IBSP: variants seen among roughly 807,000 people sequenced by gnomAD.
The protein encoded by IBSP is integrin-binding sialoprotein.
A neutral mutation model predicts 25.5 loss-of-function variants in IBSP; 19 were observed. That is an observed-to-expected ratio of 0.74 (90% confidence interval 0.52 to 1.09). The LOEUF (loss-of-function observed/expected upper bound fraction) is 1.09, where lower values mean the gene tolerates loss of function less well. IBSP is among the 50% of genes least tolerant of loss of function. The probability of loss-of-function intolerance (pLI) is 0.00; values close to 1 mark genes in which losing one functional copy is unlikely to be tolerated. For synonymous variants in IBSP, 144 were observed against 137.6 expected (o/e 1.05, Z -0.33); for missense variants, 360 against 382.3 (o/e 0.94, Z 0.49).
intron 4 of IBSP, among the ~76,000 whole-genome samples, chr4:87,804,830 C>T (rs1476357401): frequency 3.3e-5 from 5 of 152,094 alleles, no homozygotes; most frequent in African/African-American, 4.8e-5. Context: ...AGGGAGAAAG[C>T]CAGAGGTGAA....
Position 87,802,697 on chromosome 4 carries a change from A to C in IBSP, c.149A>C (p.Tyr50Ser), listed in dbSNP as rs1440456755. 6.4e-7 allele frequency: 1 copy of C among 1,560,692 alleles called. No homozygotes were observed. Among genetic ancestry groups the C allele is most frequent in the African/African-American group, 1.4e-5 (1 of 72,210 alleles). Residue 50 changes from tyrosine to serine, a missense_variant, in exon 4 of 7, where the codon TAC becomes TCC. Coordinates refer to ENST00000226284, the MANE Select transcript of IBSP (RefSeq NM_004967.4). ...CGATATTATCTTTACAAGCATGCCT[A>C]CTTTTATCCTCATTTAAAACGATTT... ...RPRYYLYKHA[Y>S]FYPHLKRFPV...
intron 4 of IBSP, among the ~76,000 whole-genome samples, chr4:87,805,845 CT>C (rs1435730221): frequency 6.6e-6 from 1 of 152,154 alleles, no homozygotes; most frequent in African/African-American, 2.4e-5. Context: ...ATTGTCAATG[CT>C]TTGGAAGTTG....
At chr4:87,806,242 A>G in intron 5 of IBSP, 58 bp downstream of exon 5, 2 of 1,324,858 alleles carry the variant, frequency 1.5e-6, no homozygotes, top group Non-Finnish European at 2.2e-6. Context: ...ACAAATAGGA[A>G]ACTAGTCTAT....
intron 1 of IBSP, among the ~76,000 whole-genome samples, chr4:87,801,327 C>A (rs747936259): frequency 1.3e-5 from 2 of 152,026 alleles, no homozygotes; most frequent in Non-Finnish European, 2.9e-5. Flanking sequence ...TTGAGGAAAT[C>A]TGCCCCCGAT....
At chr4:87,800,128 T>C (rs1239810940) in intron 1 of IBSP, among the ~76,000 whole-genome samples, 3 of 152,184 alleles carry the variant, frequency 2.0e-5, no homozygotes, top group Non-Finnish European at 4.4e-5. Flanking sequence ...ATAAATACTC[T>C]TGGTAGTTTA....
intron 4 of IBSP, among the ~76,000 whole-genome samples, chr4:87,804,448 A>C (rs1722064437): frequency 6.6e-6 from 1 of 152,252 alleles, no homozygotes; most frequent in African/African-American, 2.4e-5. Context: ...CTGCTAGACT[A>C]TAGAAATGAA....
rs1248333607 is a variant in IBSP, at chr4:87,812,300, T to TA, written c.*393dup. 2 of 169,816 alleles carry TA rather than the reference T, an allele frequency of 1.2e-5. No individual in the cohort carries two copies. Among genetic ancestry groups the TA allele is most frequent in the African/African-American group, 4.7e-5 (2 of 42,220 alleles). 10.5% of individuals were successfully genotyped at this position (169,816 alleles called of 1,614,324 possible). A position where few individuals can be genotyped will look rare whatever the true frequency, so the allele number is the denominator to read the frequency against. ...TTGACATTAATGACACTGTATACAA[T>TA]AAATGTGTAGTTTCTTAATCGCACT... On this transcript the variant is annotated 3_prime_UTR_variant, in exon 7 of 7. Coordinates refer to ENST00000226284, the MANE Select transcript of IBSP (RefSeq NM_004967.4).
At chr4:87,806,101 T>A (rs761371160) in intron 4 of IBSP, 21 bp from the exon 5 acceptor site, 1 of 1,573,384 alleles carries the variant, frequency 6.4e-7, no homozygotes, top group Non-Finnish European at 8.7e-7. Flanking sequence ...AGAGTATACA[T>A]ACATGTGTAT....
chr4:87,810,701 T>C lies in IBSP; in HGVS notation c.342T>C (p.Tyr114=), dbSNP rs374121175. Residue 114 remains tyrosine, a synonymous_variant, in exon 6 of 7, where the codon TAT becomes TAC. Transcript: ENST00000226284. ...NTTLSATTLG[Y]GEDATPGTGY... ...CACTTTCTGCTACAACACTGGGCTA[T>C]GGAGAGGACGCCACGCCTGGCACAG... The C allele has an allele frequency of 3.3e-5, 54 of 1,613,868 alleles. No homozygotes were observed. The highest frequency in any genetic ancestry group is 6.7e-5 in the Admixed American group (4 of 60,002).
At chr4:87,808,738 T>C (rs1722127369) in intron 5 of IBSP, among the ~76,000 whole-genome samples, 1 of 152,196 alleles carries the variant, frequency 6.6e-6, no homozygotes, top group Admixed American at 6.5e-5. Context: ...GTGTCACTTC[T>C]TCACTCTCAA....
intron 6 of IBSP, 132 bp from the exon 7 acceptor site, chr4:87,811,230 T>C (rs1722165712): frequency 9.9e-7 from 1 of 1,009,900 alleles, no homozygotes. Context: ...AATCATTTTG[T>C]AAATTAAAGT....
intron 5 of IBSP, among the ~76,000 whole-genome samples, chr4:87,810,386 A>G (rs1722154232): frequency 6.6e-6 from 1 of 152,238 alleles, no homozygotes; most frequent in African/African-American, 2.4e-5. Flanking sequence ...TATCTAAAAC[A>G]TATAGTGTGG....
chr4:87,806,080 G>C (rs540424562), intron 4 of IBSP, 42 bp from the exon 5 acceptor site: 1 of 1,411,890 alleles, frequency 7.1e-7, no homozygotes, highest in Non-Finnish European at 9.9e-7. Context: ...GAATATATTT[G>C]TACACAGATA....
chr4:87,803,658 A>T (rs1722053908), intron 4 of IBSP, among the ~76,000 whole-genome samples: 1 of 152,184 alleles, frequency 6.6e-6, no homozygotes, highest in Non-Finnish European at 1.5e-5. Flanking sequence ...GGGCTAATCC[A>T]TCTCTAACCC....
rs771317223 is a variant in IBSP at position 87,811,521 on chromosome 4, G to A, written c.565G>A (p.Gly189Ser). ...TACCAACAGCACAGAGGCAGAAAAC[G>A]GCAACGGCAGCAGCGGAGGAGACAA... ...TSTNSTEAENGNGSSGGDNGE... is the reference protein window; with the variant it reads ...TSTNSTEAENSNGSSGGDNGE... The change falls in exon 7 of 7, where the codon GGC (glycine) becomes AGC (serine). Residue 189 changes from glycine to serine, a missense_variant. Coordinates refer to ENST00000226284, the MANE Select transcript of IBSP (RefSeq NM_004967.4). 1.2e-6 allele frequency: 2 copies of A among 1,613,900 alleles called. No homozygotes were observed. Among genetic ancestry groups the A allele is most frequent in the East Asian group, 2.2e-5 (1 of 44,856 alleles).
intron 5 of IBSP, among the ~76,000 whole-genome samples, 187 bp from the exon 6 acceptor site, chr4:87,810,419 G>C (rs538387325): frequency 6.6e-6 from 1 of 152,304 alleles, no homozygotes; most frequent in South Asian, 2.1e-4. Context: ...TCAATAACTT[G>C]GAGTTGAGCT....
chr4:87,800,075 G>A (rs1164454904), intron 1 of IBSP, among the ~76,000 whole-genome samples: 1 of 152,052 alleles, frequency 6.6e-6, no homozygotes, highest in East Asian at 1.9e-4. Flanking sequence ...GTTTCCTATA[G>A]CTCTAAAGTC....
rs1355009798 is a variant in IBSP, at chr4:87,806,202, CT to C, written c.246+22del. The C allele has an allele frequency of 6.2e-7, 1 of 1,601,172 alleles. No individual in the cohort carries two copies. The highest frequency in any genetic ancestry group is 8.5e-7 in the Non-Finnish European group (1 of 1,170,852). Reference sequence around the variant, plus strand: ...AAGAAGAGGTAAGGAATTTTGCAATCTTTTCGTAATAAAGCAGACAGCACAA... The same window carrying C: ...AAGAAGAGGTAAGGAATTTTGCAATCTTTCGTAATAAAGCAGACAGCACAA... On this transcript the variant is annotated intron_variant, in intron 5 of 6. Coordinates refer to ENST00000226284, the MANE Select transcript of IBSP (RefSeq NM_004967.4).
chr4:87,809,739 G>T (rs184716640), intron 5 of IBSP, among the ~76,000 whole-genome samples: 1 of 152,194 alleles, frequency 6.6e-6, no homozygotes, highest in Non-Finnish European at 1.5e-5. Flanking sequence ...ATGTATTGAA[G>T]TGAATTCAAT....
Sources: allele counts gnomAD v4.1 joint callset (sites outside exome capture counted in the v4.1 genomes callset), GRCh38; gene constraint gnomAD v4.1.1; transcripts MANE v1.5; gene names NCBI Gene and HGNC (gene_info 2026-07-23, HGNC 2026-07-21).